The following CERS4 variants were observed in gnomAD, a reference collection of about 807,000 sequenced individuals.
CERS4 encodes the protein LAG1 homolog, ceramide synthase 4.
A neutral mutation model predicts 51.8 loss-of-function variants in CERS4; 65 were observed. The observed-to-expected ratio is 1.26, with a 90% CI of 1.03 to 1.54. The LOEUF (loss-of-function observed/expected upper bound fraction) is 1.54. Among genes scored for constraint, CERS4 ranks in the 40% most tolerant of loss-of-function variants. The pLI is 0.00. For missense variants in CERS4, 563 were observed against 500.4 expected, an observed-to-expected ratio of 1.13 and a Z score of -1.19; for synonymous variants, 228 against 208.4, an observed-to-expected ratio of 1.09 and a Z score of -0.81.
rs1339762038 is a variant in CERS4, at chr19:8,229,444, G to A, written c.-2+18582G>A. Among the ~76,000 whole-genome samples the A allele has an allele frequency of 4.6e-5, 7 of 151,000 alleles. No homozygotes were observed. In the East Asian group the frequency reaches 7.8e-4, roughly 17 times the overall value. On this transcript the variant is annotated intron_variant, in intron 2 of 11. Coordinates refer to ENST00000251363, the MANE Select transcript of CERS4 (RefSeq NM_024552.3). ...TTCTTCTTCTTCTTCTTCGTGTGTC[G>A]CTCTCACCCAGGCTGGAGTTCAGTG...
intron 3 of CERS4, among the ~76,000 whole-genome samples, chr19:8,254,255 G>A (rs993637815): frequency 7.1e-6 from 1 of 141,578 alleles, no homozygotes; most frequent in South Asian, 2.3e-4. Flanking sequence ...CCCGGGAGGC[G>A]GAGCTTGCAG....
At chr19:8,211,631 C>T (rs976424808) in intron 2 of CERS4, among the ~76,000 whole-genome samples, 1 of 152,172 alleles carries the variant, frequency 6.6e-6, no homozygotes, top group Non-Finnish European at 1.5e-5. Context: ...GTGGCTCACG[C>T]CTGTAATCCC....
At chr19:8,218,460 G>A (rs1967395760) in intron 2 of CERS4, among the ~76,000 whole-genome samples, 1 of 152,212 alleles carries the variant, frequency 6.6e-6, no homozygotes, top group Non-Finnish European at 1.5e-5. Context: ...AATTGAAGCA[G>A]ACTCTGGGAA....
At chr19:8,252,108 T>C (rs1047508723) in intron 3 of CERS4, among the ~76,000 whole-genome samples, 6 of 151,214 alleles carry the variant, frequency 4.0e-5, no homozygotes, top group African/African-American at 9.7e-5. Context: ...CAGTGGCTCA[T>C]GCCTGTAATC....
intron 2 of CERS4, among the ~76,000 whole-genome samples, chr19:8,236,030 C>G (rs993528694): frequency 6.6e-6 from 1 of 152,060 alleles, no homozygotes; most frequent in South Asian, 2.1e-4. Context: ...CCCGTCTCTA[C>G]CAAAAATACA....
chr19:8,254,805 C>T (rs1029489776), intron 4 of CERS4, among the ~76,000 whole-genome samples, 189 bp downstream of exon 4: 3 of 151,950 alleles, frequency 2.0e-5, no homozygotes, highest in Non-Finnish European at 2.9e-5. Context: ...CCCTGGGAAA[C>T]GACGCCCCAC....
Position 8,262,085 on chromosome 19 carries a change from C to T in CERS4, c.1161C>T (p.Thr387=). 6.6e-7 allele frequency: 1 copy of T among 1,511,360 alleles called. No homozygotes were observed. The highest frequency in any genetic ancestry group is 8.8e-7 in the Non-Finnish European group (1 of 1,134,790). 93.6% of individuals were successfully genotyped at this position (1,511,360 alleles called of 1,614,324 possible). ...GGAGCCGGGTGGCCGGGCGTCTGAC[C>T]AACAGGCACACAACAGCCACATAGC... ...GPRSRVAGRL[T]NRHTTAT is the part of the protein sequence containing the mutation. The change falls in exon 12 of 12, where the codon ACC becomes ACT. Residue 387 remains threonine, a synonymous_variant. Transcript: ENST00000251363.
At chr19:8,212,893 C>T (rs974752427) in intron 2 of CERS4, among the ~76,000 whole-genome samples, 4 of 151,996 alleles carry the variant, frequency 2.6e-5, no homozygotes, top group Non-Finnish European at 5.9e-5. Context: ...GGTGATGCAC[C>T]TGCCTCGGCC....
At chr19:8,218,580 G>A (rs1205882850) in intron 2 of CERS4, among the ~76,000 whole-genome samples, 2 of 152,240 alleles carry the variant, frequency 1.3e-5, no homozygotes, top group South Asian at 2.1e-4. Context: ...CAAAGGCCTC[G>A]AATGCCAGGT....
chr19:8,237,177 G>A (rs1046765052), intron 2 of CERS4, among the ~76,000 whole-genome samples: 1 of 152,024 alleles, frequency 6.6e-6, no homozygotes, highest in Admixed American at 6.6e-5. Flanking sequence ...TGCTGGACTA[G>A]GTGTAGCTCA....
intron 2 of CERS4, among the ~76,000 whole-genome samples, chr19:8,228,947 C>T (rs1967896343): frequency 6.6e-6 from 1 of 151,512 alleles, no homozygotes; most frequent in African/African-American, 2.4e-5. Flanking sequence ...TCACTTGAAC[C>T]CCTGGGGCGG....
intron 3 of CERS4, among the ~76,000 whole-genome samples, chr19:8,253,022 A>C (rs142031540): frequency 6.6e-6 from 1 of 152,332 alleles, no homozygotes; most frequent in East Asian, 1.9e-4. Flanking sequence ...CCCCATGCTT[A>C]GCAGATAATA....
chr19:8,256,082 T>A lies in CERS4; in HGVS notation c.469-154T>A, dbSNP rs1240973832. The stretch of plus-strand genomic sequence containing the variant: ...CCAAAAGTTGGGGTTCTGCAGTGAA[T>A]GAGCCCCCCAGTCGAGAGTGAGAAG... On this transcript the variant is annotated intron_variant, in intron 6 of 11. Transcript: ENST00000251363. 3 of 959,136 alleles carry A rather than the reference T, an allele frequency of 3.1e-6. No homozygotes were observed. In the African/African-American group the frequency reaches 4.9e-5, roughly 16 times the overall value. 59.4% of individuals were successfully genotyped at this position (959,136 alleles called of 1,614,324 possible). A position where few individuals can be genotyped will look rare whatever the true frequency, so the allele number is the denominator to read the frequency against.
In CERS4 at chr19:8,255,652, C is replaced by G; in HGVS notation, c.337C>G (p.Gln113Glu). 2 of 1,613,104 alleles carry G rather than the reference C, an allele frequency of 1.2e-6. No homozygotes were observed. The highest frequency in any genetic ancestry group is 2.2e-5 in the South Asian group (2 of 91,016). ...CGCCCAGTGTGGCCTCACGCTGCAG[C>G]AGACCCAGCGATGGTTCCGGAGACG... ...LAAQCGLTLQ[Q>E]TQRWFRRRRN... The change falls in exon 5 of 12, where the codon CAG becomes GAG. Residue 113 changes from glutamine to glutamate, a missense_variant. Coordinates refer to ENST00000251363, the MANE Select transcript of CERS4 (RefSeq NM_024552.3).
intron 2 of CERS4, among the ~76,000 whole-genome samples, chr19:8,249,456 G>C (rs17160331): frequency 0.26 from 40,222 of 151,824 alleles, 5,866 homozygotes; most frequent in Admixed American, 0.38. Context: ...TCCATTATCA[G>C]GCAAGCTCAG....
rs916888768 is a variant in CERS4 at position 8,228,043 on chromosome 19, G to C, written c.-2+17181G>C. Among the ~76,000 whole-genome samples the C allele has an allele frequency of 2.0e-5, 3 of 152,062 alleles. No homozygotes were observed. The South Asian group carries it at 6.2e-4, about 32-fold the overall frequency. On this transcript the variant is annotated intron_variant, in intron 2 of 11. Transcript: ENST00000251363. ...CGCCCAGACAATTTTTGTATTTTTA[G>C]TAGAGACGGGGTTTCACCATGTTGG...
chr19:8,222,506 T>G (rs1181898827), intron 2 of CERS4, among the ~76,000 whole-genome samples: 4 of 150,718 alleles, frequency 2.7e-5, no homozygotes, highest in African/African-American at 9.8e-5. Context: ...ATTTATTTAT[T>G]TTTGTTTTTG....
chr19:8,224,660 C>A (rs922187858), intron 2 of CERS4, among the ~76,000 whole-genome samples: 6 of 152,144 alleles, frequency 3.9e-5, no homozygotes, highest in African/African-American at 1.4e-4. Context: ...GGAGCACTTG[C>A]AGGATTCAAA....
intron 4 of CERS4, among the ~76,000 whole-genome samples, chr19:8,254,908 G>T (rs1252487416): frequency 6.6e-6 from 1 of 152,038 alleles, no homozygotes; most frequent in East Asian, 1.9e-4. Flanking sequence ...GGGAGATGGG[G>T]CCCCTCCCCT....
Sources: allele counts gnomAD v4.1 joint callset (sites outside exome capture counted in the v4.1 genomes callset), GRCh38; gene constraint gnomAD v4.1.1; transcripts MANE v1.5; gene names NCBI Gene and HGNC (gene_info 2026-07-23, HGNC 2026-07-21).